The following PCDHA10 variants were observed in gnomAD, a reference collection of about 807,000 sequenced individuals.
PCDHA10 encodes the protein protocadherin alpha-10.
A neutral mutation model predicts 61.2 loss-of-function variants in PCDHA10; 45 were observed. That is an observed-to-expected ratio of 0.74 (90% CI 0.58 to 0.94). The LOEUF is 0.94. Ranked by LOEUF, PCDHA10 falls within the 40% of genes least tolerant of loss-of-function variation. The pLI, the probability that PCDHA10 is intolerant of heterozygous loss-of-function variation, is 0.00. For missense variants in PCDHA10, 1,278 were observed against 1,236.2 expected, an observed-to-expected ratio of 1.03 and a Z score of -0.51; for synonymous variants, 602 against 548.8, an observed-to-expected ratio of 1.10 and a Z score of -1.35.
intron 1 of PCDHA10, chr5:140,966,746 C>T: frequency 1.4e-6 from 2 of 1,425,932 alleles, no homozygotes; most frequent in Non-Finnish European, 1.8e-6. Context: ...TGCCCGGCTG[C>T]CTCCGCCGCG....
At chr5:140,965,039 C>G (rs1237802301) in intron 1 of PCDHA10, among the ~76,000 whole-genome samples, 6 of 152,236 alleles carry the variant, frequency 3.9e-5, no homozygotes, top group African/African-American at 1.2e-4. Context: ...ACTGTCCGCT[C>G]TAGGAGGGAA....
intron 3 of PCDHA10, among the ~76,000 whole-genome samples, chr5:141,000,533 T>G (rs1554257655): frequency 3.4e-5 from 5 of 147,384 alleles, no homozygotes; most frequent in Admixed American, 1.4e-4. Context: ...GTTCAAGTGA[T>G]TCTCATGCCT....
intron 3 of PCDHA10, among the ~76,000 whole-genome samples, chr5:141,001,134 T>A (rs370176335): frequency 4.7e-4 from 72 of 152,158 alleles, no homozygotes; most frequent in African/African-American, 1.7e-3. Context: ...AACAAATGAA[T>A]CTTCTGTTGC....
intron 1 of PCDHA10, among the ~76,000 whole-genome samples, chr5:140,908,378 C>T (rs951348145): frequency 2.6e-5 from 4 of 152,126 alleles, no homozygotes; most frequent in Admixed American, 6.6e-5. Context: ...AGGACCTGCT[C>T]GAGCCCGATC....
At chr5:140,948,543 T>C (rs1226242016) in intron 1 of PCDHA10, among the ~76,000 whole-genome samples, 2 of 151,702 alleles carry the variant, frequency 1.3e-5, no homozygotes, top group Non-Finnish European at 3.0e-5. Flanking sequence ...TTTCATGCTC[T>C]GTCAATTTTG....
At chr5:141,005,199 C>T (rs2098200928) in intron 3 of PCDHA10, among the ~76,000 whole-genome samples, 1 of 152,208 alleles carries the variant, frequency 6.6e-6, no homozygotes, top group African/African-American at 2.4e-5. Flanking sequence ...TCCTTTCATT[C>T]ATTCATCCAG....
chr5:140,967,262 C>G (rs1554229356), intron 1 of PCDHA10: 1 of 1,613,522 alleles, frequency 6.2e-7, no homozygotes, highest in African/African-American at 1.3e-5. Flanking sequence ...GCCTGGAGCG[C>G]GCTTTCACAT....
intron 1 of PCDHA10, chr5:140,967,797 C>T: frequency 6.2e-7 from 1 of 1,614,184 alleles, no homozygotes; most frequent in East Asian, 2.2e-5. Flanking sequence ...GGTCCAGTGC[C>T]CATGGCAGGT....
At chr5:140,930,209 T>C (rs752393887) in intron 1 of PCDHA10, 4 of 152,266 alleles carry the variant, frequency 2.6e-5, no homozygotes, top group Non-Finnish European at 5.9e-5. Flanking sequence ...GAAATATTTA[T>C]GTGTTCAAAG....
rs555714516 is a variant in PCDHA10, at chr5:140,983,025, A to T, written c.2536+462A>T. Among the ~76,000 whole-genome samples the T allele has an allele frequency of 9.9e-5, 15 of 151,964 alleles. 1 individual carries two copies. The South Asian group carries it at 2.9e-3, about 29-fold the overall frequency. ...AAGAAAAAGGAAGGAAGGAAGGAAG[A>T]TGGTTTCTCATGGAAGTGGAAAATT... On this transcript the variant is annotated intron_variant, in intron 3 of 3. Coordinates refer to ENST00000307360, the MANE Select transcript of PCDHA10 (RefSeq NM_018901.4).
In PCDHA10 at chr5:140,967,658, A is replaced by C. The variant is rs1554229743; in HGVS notation, c.2389-11291A>C. ...TGGTGAGCTCAGGTACTCCTTGAGC[A>C]GCTACACGTCGGACCGGGAGAGGCA... On this transcript the variant is annotated intron_variant, in intron 1 of 3. Coordinates refer to ENST00000307360, the MANE Select transcript of PCDHA10 (RefSeq NM_018901.4). 3 of 1,614,058 alleles carry C rather than the reference A, an allele frequency of 1.9e-6. No individual in the cohort carries two copies. The highest frequency in any genetic ancestry group is 1.7e-5 in the Admixed American group (1 of 60,008).
chr5:140,907,158 T>C (rs1482177408), intron 1 of PCDHA10, among the ~76,000 whole-genome samples: 1 of 152,146 alleles, frequency 6.6e-6, no homozygotes, highest in Non-Finnish European at 1.5e-5. Flanking sequence ...AACAGTACCA[T>C]ATATTGGATG....
At chr5:140,957,134 T>C (rs2095335911) in intron 1 of PCDHA10, among the ~76,000 whole-genome samples, 1 of 152,210 alleles carries the variant, frequency 6.6e-6, no homozygotes, top group Admixed American at 6.5e-5. Flanking sequence ...TACTACACTA[T>C]GAACTAAAAA....
At chr5:140,876,337 G>T (rs1554168488) in intron 1 of PCDHA10, 1 of 1,614,016 alleles carries the variant, frequency 6.2e-7, no homozygotes, top group Admixed American at 1.7e-5. Flanking sequence ...GCCAGTGAGT[G>T]AGAAATGTAT....
intron 1 of PCDHA10, among the ~76,000 whole-genome samples, chr5:140,940,084 A>G (rs1320170233): frequency 1.3e-5 from 2 of 152,202 alleles, no homozygotes; most frequent in East Asian, 3.8e-4. Context: ...TCTTTCTGCT[A>G]AATTGAAACT....
chr5:140,994,142 G>C (rs550428204), intron 3 of PCDHA10, among the ~76,000 whole-genome samples: 8 of 152,180 alleles, frequency 5.3e-5, no homozygotes, highest in Admixed American at 4.6e-4. Context: ...AATGCCCTAC[G>C]TAGGTAGGGT....
intron 1 of PCDHA10, among the ~76,000 whole-genome samples, chr5:140,917,183 A>T (rs2077937210): frequency 6.6e-6 from 1 of 152,132 alleles, no homozygotes; most frequent in African/African-American, 2.4e-5. Flanking sequence ...GTGATCCCAG[A>T]GTGTCTCTCC....
At chr5:140,911,822 C>A (rs2075653935) in intron 1 of PCDHA10, among the ~76,000 whole-genome samples, 1 of 152,104 alleles carries the variant, frequency 6.6e-6, no homozygotes. Context: ...CTCCAGAAAC[C>A]CCAAAACCAA....
At chr5:141,001,476 G>A (rs1554258187) in intron 3 of PCDHA10, among the ~76,000 whole-genome samples, 1 of 152,226 alleles carries the variant, frequency 6.6e-6, no homozygotes, top group Admixed American at 6.5e-5. Flanking sequence ...CAGCAGCGGG[G>A]AAGTGCTGGA....
Sources: allele counts gnomAD v4.1 joint callset (sites outside exome capture counted in the v4.1 genomes callset), GRCh38; gene constraint gnomAD v4.1.1; transcripts MANE v1.5; gene names NCBI Gene and HGNC (gene_info 2026-07-23, HGNC 2026-07-21).